Variants in ATRNL1 observed in about 807,000 individuals in gnomAD.
ATRNL1 encodes the protein attractin-like protein 1.
ATRNL1 carries 95 observed loss-of-function variants against 182.7 expected under a neutral mutation model. The observed-to-expected ratio is 0.52, with a 90% CI of 0.44 to 0.62. ATRNL1 has a LOEUF of 0.62. Ranked by LOEUF, ATRNL1 falls within the 20% of genes least tolerant of loss-of-function variation. The pLI is 0.00. For synonymous variants in ATRNL1, 576 were observed against 568.3 expected (o/e 1.01, Z -0.19); for missense variants, 1,471 against 1,679.5 (o/e 0.88, Z 2.17).
chr10:115,137,721 G>A (rs11197078), intron 5 of ATRNL1, among the ~76,000 whole-genome samples: 1,988 of 152,196 alleles, frequency 0.013, 39 homozygotes, highest in African/African-American at 0.046. Context: ...CAAAACACAT[G>A]GGAATTCAAG....
At chr10:115,279,321 A>G (rs868912401) in intron 13 of ATRNL1, among the ~76,000 whole-genome samples, 4 of 152,186 alleles carry the variant, frequency 2.6e-5, no homozygotes, top group Non-Finnish European at 5.9e-5. Flanking sequence ...ATACTTCTTA[A>G]TAGGTGCTTC....
At chr10:115,188,815 C>A (rs1221500611) in intron 8 of ATRNL1, among the ~76,000 whole-genome samples, 2 of 151,800 alleles carry the variant, frequency 1.3e-5, no homozygotes, top group African/African-American at 2.4e-5. Flanking sequence ...AAAATAGATC[C>A]ATAAAACAGA....
intron 19 of ATRNL1, among the ~76,000 whole-genome samples, chr10:115,384,552 A>G (rs1196908541): frequency 6.6e-6 from 1 of 152,076 alleles, no homozygotes; most frequent in Non-Finnish European, 1.5e-5. Flanking sequence ...TACTATCTAA[A>G]CAAATGAATG....
At chr10:115,387,318 A>C (rs1419247302) in intron 19 of ATRNL1, among the ~76,000 whole-genome samples, 2 of 152,226 alleles carry the variant, frequency 1.3e-5, no homozygotes, top group Non-Finnish European at 2.9e-5. Flanking sequence ...GAAGCTATGC[A>C]AACTTCTCGG....
At chr10:115,518,651 C>T (rs2133698774) in intron 24 of ATRNL1, among the ~76,000 whole-genome samples, 1 of 151,982 alleles carries the variant, frequency 6.6e-6, no homozygotes, top group East Asian at 1.9e-4. Flanking sequence ...CCACATTACA[C>T]AATCAGTTAT....
chr10:115,851,140 C>T (rs1951045652), intron 28 of ATRNL1, among the ~76,000 whole-genome samples: 1 of 151,252 alleles, frequency 6.6e-6, no homozygotes, highest in Non-Finnish European at 1.5e-5. Flanking sequence ...TTATCAGGCT[C>T]CTTGTTTGAA....
chr10:115,593,965 G>A (rs1467219786), intron 26 of ATRNL1, among the ~76,000 whole-genome samples: 1 of 151,838 alleles, frequency 6.6e-6, no homozygotes, highest in African/African-American at 2.4e-5. Flanking sequence ...AGAGAGATGG[G>A]TTTTCATACC....
chr10:115,303,348 C>A (rs1554925226), intron 17 of ATRNL1, among the ~76,000 whole-genome samples: 1 of 151,720 alleles, frequency 6.6e-6, no homozygotes, highest in African/African-American at 2.4e-5. Context: ...CCTTAGCCTC[C>A]CAAGTAGCTG....
At chr10:115,630,935 T>C (rs1555026184) in intron 26 of ATRNL1, among the ~76,000 whole-genome samples, 1 of 150,456 alleles carries the variant, frequency 6.6e-6, no homozygotes, top group Non-Finnish European at 1.5e-5. Context: ...TGGATGAATG[T>C]AGAGTACATT....
intron 15 of ATRNL1, among the ~76,000 whole-genome samples, chr10:115,287,802 A>C (rs531355697): frequency 2.6e-5 from 4 of 151,796 alleles, no homozygotes; most frequent in Admixed American, 2.6e-4. Flanking sequence ...ATTAGAACTT[A>C]TTCATCTTAT....
chr10:115,516,261 T>C (rs1850631862), intron 24 of ATRNL1, among the ~76,000 whole-genome samples: 1 of 151,902 alleles, frequency 6.6e-6, no homozygotes, highest in Admixed American at 6.6e-5. Flanking sequence ...CCACTTGTTC[T>C]TGTGAGAGCA....
At chr10:115,758,475 T>C (rs113187123) in intron 27 of ATRNL1, among the ~76,000 whole-genome samples, 1 of 152,148 alleles carries the variant, frequency 6.6e-6, no homozygotes, top group Non-Finnish European at 1.5e-5. Flanking sequence ...CAACAAAGAT[T>C]GCTGCCTGTT....
intron 26 of ATRNL1, among the ~76,000 whole-genome samples, chr10:115,603,657 A>C (rs981496860): frequency 1.7e-4 from 26 of 152,210 alleles, no homozygotes; most frequent in Non-Finnish European, 3.7e-4. Flanking sequence ...TTTTATAAGC[A>C]TCATCATAAG....
chr10:115,548,366 A>G (rs1357061932), intron 25 of ATRNL1, among the ~76,000 whole-genome samples: 3 of 152,238 alleles, frequency 2.0e-5, no homozygotes, highest in African/African-American at 4.8e-5. Flanking sequence ...GAGAAAAAAT[A>G]TATTGAAGAC....
intron 26 of ATRNL1, among the ~76,000 whole-genome samples, chr10:115,616,348 A>G (rs894308505): frequency 2.0e-5 from 3 of 152,176 alleles, no homozygotes; most frequent in Admixed American, 2.0e-4. Flanking sequence ...AATGACTTGA[A>G]ACTGGAAGTT....
chr10:115,718,157 T>A (rs782595070), intron 26 of ATRNL1, among the ~76,000 whole-genome samples: 7 of 152,204 alleles, frequency 4.6e-5, no homozygotes, highest in Non-Finnish European at 7.3e-5. Flanking sequence ...AAAATAAACT[T>A]TTCTGTGTTC....
At chr10:115,608,352 C>A (rs1169011236) in intron 26 of ATRNL1, among the ~76,000 whole-genome samples, 4 of 151,936 alleles carry the variant, frequency 2.6e-5, no homozygotes, top group African/African-American at 7.2e-5. Context: ...GTTAAAAAAT[C>A]CTCAAGATTA....
intron 26 of ATRNL1, among the ~76,000 whole-genome samples, chr10:115,559,540 A>G (rs1853565521): frequency 6.6e-6 from 1 of 152,152 alleles, no homozygotes; most frequent in African/African-American, 2.4e-5. Flanking sequence ...CCAGTCCTAG[A>G]ATTAGCTATT....
intron 27 of ATRNL1, among the ~76,000 whole-genome samples, chr10:115,773,539 A>G (rs1949045068): frequency 6.6e-6 from 1 of 152,208 alleles, no homozygotes; most frequent in Non-Finnish European, 1.5e-5. Context: ...AATGGATCTT[A>G]TTCAGGTATG....
Sources: gnomAD v4.1 joint callset for allele counts (sites outside exome capture counted in the v4.1 genomes callset) on GRCh38, gnomAD v4.1.1 for gene constraint, MANE v1.5 for transcripts, NCBI Gene and HGNC (gene_info 2026-07-23, HGNC 2026-07-21) for gene names.